The following ZNF740 variants were observed in gnomAD, a reference collection of about 807,000 sequenced individuals.
The protein encoded by ZNF740 is zinc finger protein 740.
ZNF740 carries 14 observed loss-of-function variants against 24.8 expected under a neutral mutation model. The observed-to-expected ratio is 0.56, with a 90% CI of 0.37 to 0.88. ZNF740 has a LOEUF of 0.88. Ranked by LOEUF, ZNF740 falls within the 40% of genes least tolerant of loss-of-function variation. ZNF740 has a pLI of 0.00. For missense variants in ZNF740, 201 were observed against 247.9 expected (o/e 0.81, Z 1.27); for synonymous variants, 69 against 84.0 (o/e 0.82, Z 0.98).
At chr12:53,181,137 G>A in intron 1 of ZNF740, 1 of 978,448 alleles carries the variant, frequency 1.0e-6, no homozygotes, top group Non-Finnish European at 1.2e-6. Context: ...TGCAGCGGGT[G>A]CAGAGGCTGG....
At chr12:53,181,155 G>C (rs1941606955) in intron 1 of ZNF740, 1 of 984,728 alleles carries the variant, frequency 1.0e-6, no homozygotes, top group Non-Finnish European at 1.2e-6. Flanking sequence ...TGGCTGGCCG[G>C]AGCGAGGCGG....
In ZNF740 at chr12:53,191,995, A is replaced by G. The variant is rs777412420; in HGVS notation, c.*4405A>G. 24 of 1,613,008 alleles carry G rather than the reference A, an allele frequency of 1.5e-5. No homozygotes were observed. The highest frequency in any genetic ancestry group is 5.5e-5 in the South Asian group (5 of 91,062). The stretch of plus-strand genomic sequence containing the variant: ...GATGCCCCCTACGCAGCCCAGCACA[A>G]TGGCCTGCGTGTGGTCTGCTCCCTC... On this transcript the variant is annotated 3_prime_UTR_variant, in exon 7 of 7. Coordinates refer to ENST00000416904, the MANE Select transcript of ZNF740 (RefSeq NM_001004304.4).
intron 2 of ZNF740, among the ~76,000 whole-genome samples, chr12:53,183,321 G>A (rs1003015501): frequency 6.6e-6 from 1 of 152,188 alleles, no homozygotes; most frequent in Admixed American, 6.5e-5. Context: ...TGCAAAGGTG[G>A]AATAACTTGC....
chr12:53,182,089 G>A, intron 2 of ZNF740, 97 bp downstream of exon 2: 1 of 1,511,828 alleles, frequency 6.6e-7, no homozygotes, highest in Non-Finnish European at 9.0e-7. Context: ...ACCAACCCCA[G>A]TGATCCAAGC....
chr12:53,182,553 A>C (rs1049111912), intron 2 of ZNF740, among the ~76,000 whole-genome samples: 43 of 152,236 alleles, frequency 2.8e-4, no homozygotes, highest in African/African-American at 1.0e-3. Context: ...TGTACATAGG[A>C]GAGAACAGTA....
chr12:53,185,097 C>T (rs1486594049), intron 3 of ZNF740, 57 bp downstream of exon 3: 1 of 1,604,130 alleles, frequency 6.2e-7, no homozygotes, highest in Non-Finnish European at 8.5e-7. Flanking sequence ...AGCTCTCTGC[C>T]AGGAGATACC....
At chr12:53,181,654 C>A in intron 1 of ZNF740, 23 bp from the exon 2 acceptor site, 1 of 428,830 alleles carries the variant, frequency 2.3e-6, no homozygotes, top group Non-Finnish European at 3.6e-6. Flanking sequence ...TTTAGCAGCC[C>A]CCCTCTTCCT....
intron 1 of ZNF740, chr12:53,181,173 G>T (rs1941609087): frequency 2.0e-6 from 2 of 985,100 alleles, no homozygotes; most frequent in Admixed American, 6.1e-5. Context: ...CGGGCGACAC[G>T]CCGCGCCGGG....
rs1941884492 is a variant in ZNF740, at chr12:53,189,335, C to G, written c.*1745C>G. ...TAGTAATCATGGAGACTGGCTGAAC[C>G]TGAGTGCCAAGCTGTCAGTAGGGTC... On this transcript the variant is annotated 3_prime_UTR_variant, in exon 7 of 7. Coordinates refer to ENST00000416904, the MANE Select transcript of ZNF740 (RefSeq NM_001004304.4). The G allele has an allele frequency of 6.6e-6, 1 of 151,916 alleles. No homozygotes were observed. The highest frequency in any genetic ancestry group is 1.5e-5 in the Non-Finnish European group (1 of 67,996). 9.4% of individuals were successfully genotyped at this position (151,916 alleles called of 1,614,324 possible).
rs538172802 is a variant in ZNF740 at position 53,183,911 on chromosome 12, T to A, written c.10-980T>A. On this transcript the variant is annotated intron_variant, in intron 2 of 6. Coordinates refer to ENST00000416904, the MANE Select transcript of ZNF740 (RefSeq NM_001004304.4). ...TGGTGGCATTCTCCTGAAGTCCCAG[T>A]TACTCAGGAGGTAGAGGTAGAAGGA... 1.1e-4 allele frequency among the ~76,000 whole-genome samples: 16 copies of A among 152,014 alleles called. 1 individual carries two copies. Among genetic ancestry groups the A allele is most frequent in the African/African-American group, 3.9e-4 (16 of 41,470 alleles).
intron 2 of ZNF740, 183 bp downstream of exon 2, chr12:53,182,175 C>T (rs1941670889): frequency 1.3e-6 from 1 of 790,832 alleles, no homozygotes; most frequent in Non-Finnish European, 2.0e-6. Context: ...AGGGAGCTTC[C>T]AGTCAAATGA....
intron 4 of ZNF740, 148 bp downstream of exon 4, chr12:53,185,624 G>T: frequency 1.3e-6 from 1 of 764,364 alleles, no homozygotes; most frequent in South Asian, 1.8e-5. Flanking sequence ...TTCATCCAGA[G>T]ACTACCTTGG....
At chr12:53,182,587 G>A (rs907400653) in intron 2 of ZNF740, among the ~76,000 whole-genome samples, 1 of 152,102 alleles carries the variant, frequency 6.6e-6, no homozygotes, top group Non-Finnish European at 1.5e-5. Context: ...AGAAAAAGAA[G>A]ATGGAGGTTG....
In ZNF740 at chr12:53,187,597, G is replaced by C; in HGVS notation, c.*7G>C. 6.2e-7 allele frequency: 1 copy of C among 1,613,302 alleles called. No homozygotes were observed. Among genetic ancestry groups the C allele is most frequent in the Non-Finnish European group, 8.5e-7 (1 of 1,179,314 alleles). On this transcript the variant is annotated 3_prime_UTR_variant, in exon 7 of 7. Transcript: ENST00000416904. Reference sequence around the variant, plus strand: ...CGGGCAGTTTTCTCTATAGGCGCAAGGGGCCCCGGGTGGTGGGAGTGATCA... The same window carrying C: ...CGGGCAGTTTTCTCTATAGGCGCAACGGGCCCCGGGTGGTGGGAGTGATCA...
At chr12:53,185,866 C>T (rs1254465477) in intron 4 of ZNF740, 88 bp from the exon 5 acceptor site, 10 of 1,526,256 alleles carry the variant, frequency 6.6e-6, no homozygotes, top group Non-Finnish European at 2.7e-6. Context: ...TTCCTTTCTC[C>T]AACAGCTGGA....
At position 53,192,122 on chromosome 12, in the gene ZNF740, A is replaced by G; in HGVS notation, c.*4532A>G. ...CCTGTCCAACCCTGTCTGTCACTGA[A>G]AGCAAAGGGAACCCAGGGAGGTCCA... is the stretch of plus-strand genomic sequence containing the variant. On this transcript the variant is annotated 3_prime_UTR_variant, in exon 7 of 7. Coordinates refer to ENST00000416904, the MANE Select transcript of ZNF740 (RefSeq NM_001004304.4). The G allele has an allele frequency of 1.4e-6, 2 of 1,418,208 alleles. No individual in the cohort carries two copies. Among genetic ancestry groups the G allele is most frequent in the Non-Finnish European group, 9.5e-7 (1 of 1,050,208 alleles). The allele number at this position is 1,418,208 out of a possible 1,614,324, so 87.9% of individuals were successfully genotyped here.
intron 1 of ZNF740, 101 bp downstream of exon 1, chr12:53,180,938 G>GGAGGA (rs1941570417): frequency 1.0e-6 from 1 of 988,642 alleles, no homozygotes; most frequent in Non-Finnish European, 1.2e-6. Context: ...GGAGGGGAGG[G>GGAGGA]GAGGAGGGGC....
intron 2 of ZNF740, among the ~76,000 whole-genome samples, chr12:53,184,653 A>C (rs1438768113): frequency 1.3e-5 from 2 of 152,234 alleles, no homozygotes; most frequent in Non-Finnish European, 2.9e-5. Context: ...GGTGTCAGTA[A>C]TACTTGATTA....
rs770907608 is a variant in ZNF740 at position 53,193,264 on chromosome 12, C to T, written c.*5674C>T. 3.7e-6 allele frequency: 6 copies of T among 1,613,954 alleles called. No homozygotes were observed. Among genetic ancestry groups the T allele is most frequent in the Admixed American group, 1.7e-5 (1 of 60,018 alleles). On this transcript the variant is annotated 3_prime_UTR_variant, in exon 7 of 7. Coordinates refer to ENST00000416904, the MANE Select transcript of ZNF740 (RefSeq NM_001004304.4). Reference sequence around the variant, plus strand: ...AGTGACCCTTTCCACTGCACAGGGGCCCTGTGCCATTGGGAGCCCGGCACC... The same window carrying T: ...AGTGACCCTTTCCACTGCACAGGGGTCCTGTGCCATTGGGAGCCCGGCACC...
Sources: allele counts gnomAD v4.1 joint callset (sites outside exome capture counted in the v4.1 genomes callset), GRCh38; gene constraint gnomAD v4.1.1; transcripts MANE v1.5; gene names NCBI Gene and HGNC (gene_info 2026-07-23, HGNC 2026-07-21).